RBPJ: variants seen among roughly 807,000 people sequenced by gnomAD.
The protein encoded by RBPJ is recombination signal binding protein for immunoglobulin kappa J region.
In RBPJ, 9 loss-of-function variants were observed where a neutral mutation model predicts 67.8. The observed-to-expected ratio is 0.13, with a 90% confidence interval of 0.08 to 0.23. RBPJ has a LOEUF of 0.23. Ranked by LOEUF, RBPJ falls within the 10% of genes least tolerant of loss-of-function variation. The pLI is 1.00. For missense variants in RBPJ, 305 were observed against 595.6 expected, an observed-to-expected ratio of 0.51 and a Z score of 5.08; for synonymous variants, 198 against 203.3, an observed-to-expected ratio of 0.97 and a Z score of 0.22.
intron 1 of RBPJ, among the ~76,000 whole-genome samples, chr4:26,191,838 G>A (rs1035619614): frequency 1.3e-5 from 2 of 152,070 alleles, no homozygotes; most frequent in Non-Finnish European, 1.5e-5. Context: ...AGTGAACCAC[G>A]CTTATCAGTT....
intron 4 of RBPJ, among the ~76,000 whole-genome samples, chr4:26,417,976 G>A (rs1734757231): frequency 1.3e-5 from 2 of 152,186 alleles, no homozygotes; most frequent in East Asian, 3.8e-4. Flanking sequence ...TTTGTGTAAT[G>A]TTTTTAATTT....
rs2109840420 is a variant in RBPJ at position 26,430,205 on chromosome 4, A to G, written c.1044+152A>G. On this transcript the variant is annotated intron_variant, in intron 9 of 10. Coordinates refer to ENST00000355476, the MANE Select transcript of RBPJ (RefSeq NM_015874.6). The surrounding 1 kb of genome is among the most constrained non-coding windows in gnomAD (Gnocchi z 4.1). ...CACCATTTGTTGATTTAAAGAAAAA[A>G]AAACAAAATTAGGAGGAGCGTACTT... 9.8e-7 allele frequency: 1 copy of G among 1,017,946 alleles called. No individual in the cohort carries two copies. 63.1% of individuals were successfully genotyped at this position (1,017,946 alleles called of 1,614,324 possible). A position where few individuals can be genotyped will look rare whatever the true frequency, so the allele number is the denominator to read the frequency against.
chr4:26,111,205 C>T, the RBPJ span, among the ~76,000 whole-genome samples: 8 of 152,050 alleles, frequency 5.3e-5, no homozygotes, highest in Admixed American at 1.3e-4. Flanking sequence ...GCCCAGCCCC[C>T]CTCCTTCAAA....
the RBPJ span, among the ~76,000 whole-genome samples, chr4:26,143,784 C>T: frequency 5.3e-5 from 8 of 152,152 alleles, no homozygotes; most frequent in East Asian, 7.7e-4. Context: ...GAAAATTAGC[C>T]GGGCATGGTG....
At chr4:26,109,460 CTATATATATATA>C in the RBPJ span, among the ~76,000 whole-genome samples, 72 of 14,668 alleles carry the variant, frequency 4.9e-3, 5 homozygotes, top group South Asian at 0.033. Context: ...CTCTCTCTCT[CTATATATATATA>C]TATATATATA....
the RBPJ span, among the ~76,000 whole-genome samples, chr4:26,118,501 T>G: frequency 3.9e-5 from 6 of 152,128 alleles, no homozygotes; most frequent in Non-Finnish European, 5.9e-5. Context: ...GGAAGGTAGG[T>G]AGACTGGGCC....
intron 1 of RBPJ, among the ~76,000 whole-genome samples, chr4:26,209,537 T>TC (rs375593500): frequency 2.5e-5 from 3 of 118,168 alleles, no homozygotes; most frequent in Non-Finnish European, 3.7e-5. Flanking sequence ...ACATCCTATC[T>TC]CCTTCCTTCC....
At chr4:26,420,969 C>G (rs547763881) in intron 5 of RBPJ, 1 of 418,414 alleles carries the variant, frequency 2.4e-6, no homozygotes, top group Non-Finnish European at 4.3e-6. Context: ...GAGATTTTCT[C>G]CTTCTGTTGT....
intron 2 of RBPJ, among the ~76,000 whole-genome samples, chr4:26,398,652 C>T (rs941081829): frequency 3.3e-5 from 5 of 152,120 alleles, no homozygotes; most frequent in Admixed American, 6.6e-5. Flanking sequence ...CTCGCTCTGT[C>T]GCCCAGGCTG....
chr4:26,137,978 G>A, the RBPJ span, among the ~76,000 whole-genome samples: 1 of 152,206 alleles, frequency 6.6e-6, no homozygotes, highest in Non-Finnish European at 1.5e-5. Flanking sequence ...GAACCAATGA[G>A]GGAGTGTGAT....
chr4:26,225,261 A>C lies in RBPJ; in HGVS notation c.-167+61647A>C, dbSNP rs1171884199. ...CTGATTAAGTCTTTACTTGGTAGGC[A>C]AATATAGGTTAACCTGTTTGTTAAA... On this transcript the variant is annotated intron_variant, in intron 1 of 4. Transcript: ENST00000512351. Among the ~76,000 whole-genome samples the C allele has an allele frequency of 4.6e-5, 7 of 152,196 alleles. No individual in the cohort carries two copies. The East Asian group carries it at 1.3e-3, about 29-fold the overall frequency.
At chr4:26,239,180 C>A (rs1034620393) in intron 1 of RBPJ, among the ~76,000 whole-genome samples, 4 of 152,174 alleles carry the variant, frequency 2.6e-5, no homozygotes, top group Non-Finnish European at 5.9e-5. Context: ...ATTTTTATTA[C>A]TGAGCTCCTA....
chr4:26,217,913 G>A (rs1042605711), intron 1 of RBPJ, among the ~76,000 whole-genome samples: 2 of 152,156 alleles, frequency 1.3e-5, no homozygotes, highest in Non-Finnish European at 2.9e-5. Flanking sequence ...AGACATAGAC[G>A]TGTTCAGTAA....
At chr4:26,125,616 T>C in the RBPJ span, among the ~76,000 whole-genome samples, 4 of 152,056 alleles carry the variant, frequency 2.6e-5, no homozygotes, top group African/African-American at 9.6e-5. Flanking sequence ...CTGGCCAACA[T>C]GGTGAAACCC....
At chr4:26,212,672 C>A (rs867990855) in intron 1 of RBPJ, among the ~76,000 whole-genome samples, 1 of 152,008 alleles carries the variant, frequency 6.6e-6, no homozygotes, top group African/African-American at 2.4e-5. Flanking sequence ...GGTCAGAAGA[C>A]CTTCATTTCA....
At chr4:26,225,627 T>C (rs1002215817) in intron 1 of RBPJ, among the ~76,000 whole-genome samples, 5 of 152,126 alleles carry the variant, frequency 3.3e-5, no homozygotes, top group African/African-American at 1.2e-4. Context: ...TGCGTCAATA[T>C]GGGCTCATCA....
At chr4:26,349,089 C>T (rs967412) in intron 1 of RBPJ, among the ~76,000 whole-genome samples, 15 of 129,738 alleles carry the variant, frequency 1.2e-4, no homozygotes, top group East Asian at 2.2e-4. Flanking sequence ...TGTGTGTGTG[C>T]GCGCGCGCAC....
chr4:26,225,890 G>A (rs558235906), intron 1 of RBPJ, among the ~76,000 whole-genome samples: 17 of 152,282 alleles, frequency 1.1e-4, no homozygotes, highest in Admixed American at 1.0e-3. Context: ...GCTCATGCCT[G>A]TAATCCCAGC....
At chr4:26,169,704 C>T (rs1455012652) in intron 1 of RBPJ, among the ~76,000 whole-genome samples, 1 of 152,244 alleles carries the variant, frequency 6.6e-6, no homozygotes, top group East Asian at 1.9e-4. Flanking sequence ...AGGCAGGCCT[C>T]CTTGAGCTGT....
Sources: gnomAD v4.1 joint callset for allele counts (sites outside exome capture counted in the v4.1 genomes callset) on GRCh38, gnomAD v4.1.1 for gene constraint, Gnocchi (gnomAD v3.1) non-coding constraint, MANE v1.5 for transcripts, NCBI Gene and HGNC (gene_info 2026-07-23, HGNC 2026-07-21) for gene names.